The following CNTN5 variants were observed in gnomAD, a reference collection of about 807,000 sequenced individuals.
CNTN5 encodes contactin 5.
In CNTN5, 77 loss-of-function variants were observed where a neutral mutation model predicts 129.1. That is an observed-to-expected ratio of 0.60 (90% CI 0.50 to 0.72). The LOEUF (loss-of-function observed/expected upper bound fraction) is 0.72, where lower values mean the gene tolerates loss of function less well. Among genes scored for constraint, CNTN5 ranks in the 30% least tolerant of loss-of-function variants. The pLI, the probability that CNTN5 is intolerant of heterozygous loss-of-function variation, is 0.00. For synonymous variants in CNTN5, 509 were observed against 465.6 expected (o/e 1.09, Z -1.20); for missense variants, 1,478 against 1,328.8 (o/e 1.11, Z -1.75).
chr11:99,567,794 G>A (rs1949054771), intron 3 of CNTN5, among the ~76,000 whole-genome samples: 1 of 152,158 alleles, frequency 6.6e-6, no homozygotes, highest in Non-Finnish European at 1.5e-5. Flanking sequence ...ACTTTTATCA[G>A]CTGTGCCCTG....
intron 6 of CNTN5, among the ~76,000 whole-genome samples, chr11:99,914,822 A>G (rs1949747648): frequency 6.6e-6 from 1 of 152,120 alleles, no homozygotes; most frequent in South Asian, 2.1e-4. Context: ...ATTTGGTTAT[A>G]CATTCAGCAA....
intron 1 of CNTN5, among the ~76,000 whole-genome samples, chr11:99,146,014 T>C (rs1347876391): frequency 6.6e-6 from 1 of 152,070 alleles, no homozygotes; most frequent in Non-Finnish European, 1.5e-5. Context: ...ATTTAAACAG[T>C]TTAGGTACAC....
At chr11:99,894,458 A>T (rs551067854) in intron 6 of CNTN5, among the ~76,000 whole-genome samples, 114 of 147,718 alleles carry the variant, frequency 7.7e-4, no homozygotes, top group African/African-American at 2.8e-3. Context: ...CACCTGCAAA[A>T]ATCTAACTAC....
chr11:99,600,609 G>C (rs1185254202), intron 3 of CNTN5, among the ~76,000 whole-genome samples: 1 of 151,990 alleles, frequency 6.6e-6, no homozygotes, highest in Non-Finnish European at 1.5e-5. Context: ...GGAGGATTGG[G>C]GTACTGTTCT....
chr11:100,019,192 A>G (rs1249650889), intron 9 of CNTN5, among the ~76,000 whole-genome samples: 2 of 151,896 alleles, frequency 1.3e-5, no homozygotes, highest in African/African-American at 4.8e-5. Context: ...TTGAGATTTT[A>G]GTGCCATAGC....
intron 4 of CNTN5, among the ~76,000 whole-genome samples, chr11:99,820,205 A>T (rs533071637): frequency 2.6e-5 from 4 of 152,370 alleles, no homozygotes; most frequent in Non-Finnish European, 4.4e-5. Flanking sequence ...ATGTAATTGC[A>T]CTCTATACCA....
rs371469736 is a variant in CNTN5 at position 99,873,123 on chromosome 11, T to TA, written c.577+27862dup. On this transcript the variant is annotated intron_variant, in intron 6 of 24. Coordinates refer to ENST00000524871, the MANE Select transcript of CNTN5 (RefSeq NM_014361.4). ...CAGGCAGGAGCTAGAATTTCGGCGA[T>TA]AGTTTCAGTAGCTGTGCCACATCCC... Among the ~76,000 whole-genome samples the TA allele has an allele frequency of 4.6e-5, 7 of 152,178 alleles. No individual in the cohort carries two copies. The East Asian group carries it at 1.4e-3, about 29-fold the overall frequency.
intron 3 of CNTN5, among the ~76,000 whole-genome samples, chr11:99,701,904 T>G (rs1197564777): frequency 6.6e-6 from 1 of 151,038 alleles, no homozygotes; most frequent in African/African-American, 2.4e-5. Flanking sequence ...TACTCCTAAT[T>G]TCTTCATACA....
At chr11:99,342,692 C>T (rs577791852) in intron 2 of CNTN5, among the ~76,000 whole-genome samples, 30 of 148,440 alleles carry the variant, frequency 2.0e-4, no homozygotes, top group African/African-American at 6.7e-4. Flanking sequence ...GATAGTACCA[C>T]TGCACTCCAG....
intron 3 of CNTN5, among the ~76,000 whole-genome samples, chr11:99,806,107 T>A (rs902704154): frequency 6.6e-6 from 1 of 152,152 alleles, no homozygotes; most frequent in East Asian, 1.9e-4. Context: ...CAAGTGAACT[T>A]TTTTTTCTTT....
At chr11:99,964,124 C>A (rs1188230665) in intron 8 of CNTN5, among the ~76,000 whole-genome samples, 2 of 152,110 alleles carry the variant, frequency 1.3e-5, no homozygotes, top group Non-Finnish European at 2.9e-5. Context: ...TTTGACAATT[C>A]CTCTTTTCCT....
At chr11:99,271,905 A>C (rs1863190334) in intron 1 of CNTN5, among the ~76,000 whole-genome samples, 1 of 151,882 alleles carries the variant, frequency 6.6e-6, no homozygotes, top group African/African-American at 2.4e-5. Flanking sequence ...GTCACACTCA[A>C]GCATTTTCAC....
intron 3 of CNTN5, among the ~76,000 whole-genome samples, chr11:99,752,831 C>A (rs530300069): frequency 3.5e-4 from 53 of 152,202 alleles, no homozygotes; most frequent in African/African-American, 1.2e-3. Context: ...CTCTTAAAAT[C>A]AAATCTTAGC....
At chr11:99,201,988 C>G (rs1042385963) in intron 1 of CNTN5, among the ~76,000 whole-genome samples, 1 of 152,086 alleles carries the variant, frequency 6.6e-6, no homozygotes, top group Non-Finnish European at 1.5e-5. Context: ...TCAATGCATG[C>G]GTGTTTTGCA....
chr11:99,516,132 T>C (rs557235886), intron 2 of CNTN5, among the ~76,000 whole-genome samples: 49 of 65,306 alleles, frequency 7.5e-4, no homozygotes, highest in South Asian at 4.2e-3. Flanking sequence ...AAGGTGCTAA[T>C]TGTTAAAAAA....
intron 1 of CNTN5, among the ~76,000 whole-genome samples, chr11:99,247,350 T>C (rs1260804556): frequency 6.6e-6 from 1 of 152,142 alleles, no homozygotes; most frequent in African/African-American, 2.4e-5. Context: ...GTAAAGACTC[T>C]ACTCCAAAGT....
intron 13 of CNTN5, among the ~76,000 whole-genome samples, chr11:100,137,357 T>G (rs994069688): frequency 6.6e-6 from 1 of 152,088 alleles, no homozygotes; most frequent in African/African-American, 2.4e-5. Context: ...TACCAGAAAC[T>G]ATTTATTCAA....
At chr11:99,131,318 C>T (rs1408284848) in intron 1 of CNTN5, among the ~76,000 whole-genome samples, 1 of 146,434 alleles carries the variant, frequency 6.8e-6, no homozygotes, top group Non-Finnish European at 1.5e-5. Context: ...GATCTCAGAT[C>T]AACCACCTTA....
At chr11:99,999,973 C>G (rs1219099523) in intron 8 of CNTN5, among the ~76,000 whole-genome samples, 4 of 146,234 alleles carry the variant, frequency 2.7e-5, no homozygotes, top group Admixed American at 7.1e-5. Flanking sequence ...CACATGGACA[C>G]AGGAAGGGGA....
Sources: allele counts gnomAD v4.1 joint callset (sites outside exome capture counted in the v4.1 genomes callset), GRCh38; gene constraint gnomAD v4.1.1; transcripts MANE v1.5; gene names NCBI Gene and HGNC (gene_info 2026-07-23, HGNC 2026-07-21).